Variants in ADARB1 observed in about 807,000 individuals in gnomAD.
The protein encoded by ADARB1 is double-stranded RNA-specific editase 1.
A neutral mutation model predicts 52.4 loss-of-function variants in ADARB1; 10 were observed. The observed-to-expected ratio is 0.19, with a 90% CI of 0.12 to 0.32. The LOEUF is 0.32. ADARB1 is among the 10% of genes least tolerant of loss of function. The pLI is 1.00. For synonymous variants in ADARB1, 349 were observed against 371.1 expected, an observed-to-expected ratio of 0.94 and a Z score of 0.68; for missense variants, 643 against 922.3, an observed-to-expected ratio of 0.70 and a Z score of 3.92.
intron 1 of ADARB1, among the ~76,000 whole-genome samples, chr21:45,123,900 A>C (rs2088375359): frequency 6.6e-6 from 1 of 152,146 alleles, no homozygotes; most frequent in African/African-American, 2.4e-5. Context: ...TGTGTTTGGT[A>C]ATATCCTATA....
chr21:45,170,874 A>G (rs141337808), intron 2 of ADARB1, among the ~76,000 whole-genome samples: 2 of 152,220 alleles, frequency 1.3e-5, no homozygotes, highest in Admixed American at 1.3e-4. Context: ...AGAAATTGTA[A>G]TACCTGTTCT....
intron 8 of ADARB1, among the ~76,000 whole-genome samples, chr21:45,195,958 T>A (rs1468369414): frequency 6.6e-6 from 1 of 152,224 alleles, no homozygotes; most frequent in African/African-American, 2.4e-5. Context: ...GTTGAAATAT[T>A]GATTGGGATT....
rs2086293989 is a variant in ADARB1 at position 45,085,210 on chromosome 21, C to T, written c.-220+10417C>T. On this transcript the variant is annotated intron_variant, in intron 1 of 10. Coordinates refer to ENST00000348831, the MANE Select transcript of ADARB1 (RefSeq NM_001112.4). ...TGAGGTTTCGTGTTGGTTCATCTGA[C>T]TGGCCGAGTGCACCCTGGCTGTGAG... 3.3e-5 allele frequency among the ~76,000 whole-genome samples: 5 copies of T among 152,216 alleles called. No homozygotes were observed. The South Asian group carries it at 1.0e-3, about 32-fold the overall frequency.
At chr21:45,198,461 A>G (rs2092472944) in intron 8 of ADARB1, among the ~76,000 whole-genome samples, 1 of 115,192 alleles carries the variant, frequency 8.7e-6, no homozygotes, top group South Asian at 3.5e-4. Flanking sequence ...AAGCATATGC[A>G]GAAAATTGGA....
At chr21:45,158,132 G>A (rs931534452) in intron 2 of ADARB1, among the ~76,000 whole-genome samples, 34 of 152,316 alleles carry the variant, frequency 2.2e-4, no homozygotes, top group Middle Eastern at 3.4e-3. Flanking sequence ...ATACAATTAT[G>A]CAGGAGAGGA....
chr21:45,197,790 C>T (rs754950625), intron 8 of ADARB1, among the ~76,000 whole-genome samples: 3 of 152,116 alleles, frequency 2.0e-5, no homozygotes, highest in Non-Finnish European at 4.4e-5. Context: ...AAAATAATTA[C>T]GCAGAGTGAA....
intron 2 of ADARB1, chr21:45,146,256 CT>C (rs1569067043): frequency 1.3e-5 from 2 of 152,242 alleles, no homozygotes; most frequent in Admixed American, 6.5e-5. Context: ...TTTAGGCATA[CT>C]TTGCAAGTTG....
Position 45,109,188 on chromosome 21 carries a change from T to G in ADARB1, c.-219-19214T>G, listed in dbSNP as rs2087400921. 5.2e-5 allele frequency among the ~76,000 whole-genome samples: 3 copies of G among 57,704 alleles called. No individual in the cohort carries two copies. The South Asian group carries it at 2.1e-3, about 39-fold the overall frequency. The allele number at this position is 57,704 out of a possible 152,430, so 37.9% of individuals were successfully genotyped here. On this transcript the variant is annotated intron_variant, in intron 1 of 10. Transcript: ENST00000348831. Reference sequence around the variant, plus strand: ...ATGTGTGTGCGCGCGTGTGCGTATATGTGTGTGCACGTGTGTTTGCGCGCG... The same window carrying G: ...ATGTGTGTGCGCGCGTGTGCGTATAGGTGTGTGCACGTGTGTTTGCGCGCG...
intron 9 of ADARB1, among the ~76,000 whole-genome samples, chr21:45,215,707 G>T (rs2092849639): frequency 6.6e-6 from 1 of 152,084 alleles, no homozygotes; most frequent in Non-Finnish European, 1.5e-5. Flanking sequence ...ACGTTATATG[G>T]TTATTATGTG....
chr21:45,143,687 C>T (rs1390603103), intron 2 of ADARB1, among the ~76,000 whole-genome samples: 1 of 152,244 alleles, frequency 6.6e-6, no homozygotes, highest in African/African-American at 2.4e-5. Flanking sequence ...GACTGGCTGC[C>T]TGGCTGTTCC....
chr21:45,211,076 C>A (rs1328619426), intron 9 of ADARB1, among the ~76,000 whole-genome samples: 1 of 152,216 alleles, frequency 6.6e-6, no homozygotes, highest in East Asian at 1.9e-4. Flanking sequence ...GGTTAGTGGA[C>A]AACCAGGACA....
chr21:45,103,811 T>C (rs770857663), intron 1 of ADARB1, among the ~76,000 whole-genome samples: 59 of 152,180 alleles, frequency 3.9e-4, no homozygotes, highest in South Asian at 1.4e-3. Context: ...GTTCTAAAAA[T>C]AACGTTTACT....
intron 2 of ADARB1, among the ~76,000 whole-genome samples, chr21:45,147,650 A>G (rs756368801): frequency 8.5e-5 from 13 of 152,210 alleles, no homozygotes; most frequent in Non-Finnish European, 1.6e-4. Flanking sequence ...GGAACAGCAC[A>G]GCTGCAGTGA....
intron 1 of ADARB1, among the ~76,000 whole-genome samples, chr21:45,126,660 C>G (rs1423386270): frequency 6.6e-6 from 1 of 152,220 alleles, no homozygotes; most frequent in Non-Finnish European, 1.5e-5. Flanking sequence ...GCCTGGACCC[C>G]TCTTTCCTGG....
At chr21:45,130,533 C>T (rs1035358452) in intron 2 of ADARB1, among the ~76,000 whole-genome samples, 2 of 152,308 alleles carry the variant, frequency 1.3e-5, no homozygotes, top group East Asian at 1.9e-4. Context: ...GAGCTAATTT[C>T]GGCAGCAAAC....
At chr21:45,154,556 A>G (rs2090460482) in intron 2 of ADARB1, among the ~76,000 whole-genome samples, 1 of 152,122 alleles carries the variant, frequency 6.6e-6, no homozygotes, top group African/African-American at 2.4e-5. Context: ...TAATTCTTTG[A>G]TGAAAACAAT....
Position 45,102,038 on chromosome 21 carries a change from G to A in ADARB1, c.-219-26364G>A, listed in dbSNP as rs2004829. Among the ~76,000 whole-genome samples, 382 of 152,202 alleles carry A rather than the reference G, an allele frequency of 2.5e-3. 1 individual carries two copies. The highest frequency in any genetic ancestry group is 8.2e-3 in the African/African-American group (342 of 41,516). On this transcript the variant is annotated intron_variant, in intron 1 of 10. Transcript: ENST00000348831. ...TAGCTGGGACTGTGGGGCTACAGGCGCACTACCACACCCAGCTAACTTTTT... is the reference window on the plus strand; with the variant it reads ...TAGCTGGGACTGTGGGGCTACAGGCACACTACCACACCCAGCTAACTTTTT...
chr21:45,222,045 A>G lies in ADARB1; in HGVS notation c.1954A>G (p.Ile652Val), dbSNP rs143716305. 1 of 1,613,762 alleles carries G rather than the reference A, an allele frequency of 6.2e-7. No individual in the cohort carries two copies. Among genetic ancestry groups the G allele is most frequent in the Non-Finnish European group, 8.5e-7 (1 of 1,179,974 alleles). ...TCCCTCCCACTTACTACGCTCCAAG[A>G]TTACCAAGCCCAACGTGTACCATGA... is the stretch of plus-strand genomic sequence containing the variant. Reference protein sequence around the residue: ...KVPSHLLRSKITKPNVYHESK... With the variant: ...KVPSHLLRSKVTKPNVYHESK... Residue 652 changes from isoleucine to valine, a missense_variant, in exon 11 of 11, where the codon ATT (isoleucine) becomes GTT (valine). By Grantham distance (29) the Ile-to-Val change is conservative. Transcript: ENST00000348831.
intron 1 of ADARB1, among the ~76,000 whole-genome samples, chr21:45,088,113 T>C (rs1261276270): frequency 3.9e-5 from 6 of 152,178 alleles, no homozygotes; most frequent in African/African-American, 1.4e-4. Context: ...AATAGATGCA[T>C]GTACAGCACA....
Sources: gnomAD v4.1 joint callset for allele counts (sites outside exome capture counted in the v4.1 genomes callset) on GRCh38, gnomAD v4.1.1 for gene constraint, MANE v1.5 for transcripts, NCBI Gene and HGNC (gene_info 2026-07-23, HGNC 2026-07-21) for gene names.